The following NBAS variants were observed in gnomAD, a reference collection of about 807,000 sequenced individuals.
NBAS encodes NAG/BC035112 fusion.
Under a neutral mutation model 302.5 loss-of-function variants are expected in NBAS, and 219 were observed. The observed-to-expected ratio is 0.72, with a 90% confidence interval of 0.65 to 0.81. The LOEUF (loss-of-function observed/expected upper bound fraction) is 0.81, where lower values mean the gene tolerates loss of function less well. Ranked by LOEUF, NBAS falls within the 30% of genes least tolerant of loss-of-function variation. The probability of loss-of-function intolerance (pLI) is 0.00; values close to 1 mark genes in which losing one functional copy is unlikely to be tolerated. For synonymous variants in NBAS, 1,118 were observed against 1,021.6 expected, an observed-to-expected ratio of 1.09 and a Z score of -1.80; for missense variants, 2,932 against 2,841.6, an observed-to-expected ratio of 1.03 and a Z score of -0.72.
intron 48 of NBAS, among the ~76,000 whole-genome samples, chr2:15,213,339 C>T (rs939068908): frequency 1.1e-4 from 16 of 152,192 alleles, no homozygotes; most frequent in Admixed American, 6.5e-4. Context: ...TGGCATTTTT[C>T]AATATTTTAA....
chr2:14,979,312 T>C, the NBAS span, among the ~76,000 whole-genome samples: 3 of 152,322 alleles, frequency 2.0e-5, no homozygotes, highest in East Asian at 5.8e-4. Flanking sequence ...AGTCATTGTC[T>C]GCTAGTGTCC....
chr2:15,210,992 T>C (rs1368531624), intron 48 of NBAS, among the ~76,000 whole-genome samples: 1 of 152,056 alleles, frequency 6.6e-6, no homozygotes, highest in Non-Finnish European at 1.5e-5. Flanking sequence ...AGTGAGGGTG[T>C]TACAGGGGAA....
Position 15,304,736 on chromosome 2 carries a change from T to C in NBAS, c.4797+3480A>G, listed in dbSNP as rs548333535. Among the ~76,000 whole-genome samples, 18 of 152,340 alleles carry C rather than the reference T, an allele frequency of 1.2e-4. No individual in the cohort carries two copies. In the South Asian group the frequency reaches 3.5e-3, roughly 30 times the overall value. ...GACTGCTGGCATTTTGCCCCTGCCCTAGAGACCTGTAGAACTTTGCTTGAG... is the reference window on the plus strand; with the variant it reads ...GACTGCTGGCATTTTGCCCCTGCCCCAGAGACCTGTAGAACTTTGCTTGAG... On this transcript the variant is annotated intron_variant, in intron 40 of 51. Coordinates refer to ENST00000281513, the MANE Select transcript of NBAS (RefSeq NM_015909.4).
At chr2:15,287,329 GA>G in intron 41 of NBAS, 146 bp from the exon 42 acceptor site, 1 of 702,086 alleles carries the variant, frequency 1.4e-6, no homozygotes, top group Non-Finnish European at 2.6e-6. Context: ...AGTGATCCAG[GA>G]AAAGTACTTC....
chr2:15,129,013 C>T, the NBAS span, among the ~76,000 whole-genome samples: 2 of 152,138 alleles, frequency 1.3e-5, no homozygotes, highest in Admixed American at 6.5e-5. Flanking sequence ...GGGGGCTGGG[C>T]GGGCCCTGAG....
At chr2:14,969,784 C>T in the NBAS span, among the ~76,000 whole-genome samples, 3 of 152,270 alleles carry the variant, frequency 2.0e-5, no homozygotes, top group East Asian at 5.8e-4. Context: ...TCAATCCACA[C>T]ATCCTTTCAC....
chr2:15,020,624 G>C, the NBAS span, among the ~76,000 whole-genome samples: 1 of 152,150 alleles, frequency 6.6e-6, no homozygotes, highest in Non-Finnish European at 1.5e-5. Flanking sequence ...TGACATGGGG[G>C]GTGGGCAGTG....
the NBAS span, among the ~76,000 whole-genome samples, chr2:14,779,601 C>G: frequency 6.6e-6 from 1 of 152,178 alleles, no homozygotes; most frequent in Non-Finnish European, 1.5e-5. Flanking sequence ...TTTCCCAGAC[C>G]AGATGTTCAC....
chr2:15,228,274 T>C (rs1667227739), intron 47 of NBAS, among the ~76,000 whole-genome samples: 1 of 152,126 alleles, frequency 6.6e-6, no homozygotes, highest in Non-Finnish European at 1.5e-5. Flanking sequence ...ACATCACTAA[T>C]CATCAGGGAA....
intron 11 of NBAS, among the ~76,000 whole-genome samples, chr2:15,503,759 T>G (rs898702800): frequency 6.6e-6 from 1 of 151,928 alleles, no homozygotes; most frequent in African/African-American, 2.4e-5. Context: ...TGGGGAAGAA[T>G]TTTTTTTAAT....
At chr2:15,067,687 C>T in the NBAS span, among the ~76,000 whole-genome samples, 3 of 151,900 alleles carry the variant, frequency 2.0e-5, no homozygotes, top group Non-Finnish European at 2.9e-5. Context: ...GAGGGGGAAA[C>T]GTGAAGTTGC....
chr2:15,143,305 T>G, the NBAS span, among the ~76,000 whole-genome samples: 1 of 152,214 alleles, frequency 6.6e-6, no homozygotes, highest in African/African-American at 2.4e-5. Context: ...AGTCCGCGTC[T>G]GCAGAGCTGA....
At chr2:14,821,919 G>A in the NBAS span, among the ~76,000 whole-genome samples, 2,838 of 152,060 alleles carry the variant, frequency 0.019, 32 homozygotes, top group Non-Finnish European at 0.028. Flanking sequence ...TGTAATCCCA[G>A]CTACTTGGGA....
intron 51 of NBAS, among the ~76,000 whole-genome samples, chr2:15,171,103 C>A (rs1664271343): frequency 6.6e-6 from 1 of 152,176 alleles, no homozygotes; most frequent in Non-Finnish European, 1.5e-5. Flanking sequence ...TCTGACCATG[C>A]ATTATTCATT....
chr2:14,951,276 A>G, the NBAS span, among the ~76,000 whole-genome samples: 1 of 152,186 alleles, frequency 6.6e-6, no homozygotes, highest in Admixed American at 6.5e-5. Context: ...GAAACGGAAC[A>G]AATCATACCA....
At chr2:15,047,773 C>T in the NBAS span, among the ~76,000 whole-genome samples, 4 of 150,626 alleles carry the variant, frequency 2.7e-5, no homozygotes, top group Admixed American at 6.6e-5. Flanking sequence ...GGAGAGAACA[C>T]GAACATGTGC....
the NBAS span, among the ~76,000 whole-genome samples, chr2:14,908,083 G>A: frequency 1.3e-5 from 2 of 152,186 alleles, no homozygotes; most frequent in Non-Finnish European, 2.9e-5. Context: ...AGTACAGGGG[G>A]CCAGGCGCAG....
the NBAS span, among the ~76,000 whole-genome samples, chr2:15,158,162 A>C: frequency 6.6e-6 from 1 of 152,164 alleles, no homozygotes; most frequent in Non-Finnish European, 1.5e-5. Flanking sequence ...GTCCTGAATG[A>C]AACAGCAATT....
At chr2:15,542,659 A>T (rs542628403) in intron 6 of NBAS, among the ~76,000 whole-genome samples, 60 of 144,876 alleles carry the variant, frequency 4.1e-4, no homozygotes, top group South Asian at 1.6e-3. Flanking sequence ...TAAAAAAAAT[A>T]AAAAAAAAAT....
Sources: allele counts gnomAD v4.1 joint callset (sites outside exome capture counted in the v4.1 genomes callset), GRCh38; gene constraint gnomAD v4.1.1; transcripts MANE v1.5; gene names NCBI Gene and HGNC (gene_info 2026-07-23, HGNC 2026-07-21).